The following COL4A4 variants were observed in gnomAD, a reference collection of about 807,000 sequenced individuals.
COL4A4 encodes collagen type IV alpha 4 chain, also known as collagen alpha-4(IV) chain.
Under a neutral mutation model 192.9 loss-of-function variants are expected in COL4A4, and 105 were observed. The observed-to-expected ratio is 0.54, with a 90% confidence interval of 0.46 to 0.64. The LOEUF (loss-of-function observed/expected upper bound fraction) is 0.64, where lower values mean the gene tolerates loss of function less well. Among genes scored for constraint, COL4A4 ranks in the 30% least tolerant of loss-of-function variants. The pLI is 0.00. For synonymous variants in COL4A4, 762 were observed against 769.9 expected (o/e 0.99, Z 0.17); for missense variants, 1,967 against 2,169.3 (o/e 0.91, Z 1.85).
intron 4 of COL4A4, among the ~76,000 whole-genome samples, chr2:227,136,765 C>T (rs1226518362): frequency 6.6e-6 from 1 of 152,232 alleles, no homozygotes; most frequent in African/African-American, 2.4e-5. Flanking sequence ...CTACCTACTG[C>T]TACTACGGGC....
chr2:227,162,884 G>C (rs2064962153), intron 1 of COL4A4, among the ~76,000 whole-genome samples: 1 of 152,234 alleles, frequency 6.6e-6, no homozygotes, highest in Non-Finnish European at 1.5e-5. Context: ...AAGACTGTAA[G>C]ATTCATGCTA....
chr2:227,153,760 A>G (rs2064126621), intron 1 of COL4A4, among the ~76,000 whole-genome samples: 1 of 152,214 alleles, frequency 6.6e-6, no homozygotes. Context: ...AAAACTGAAT[A>G]TAGAGAAAAT....
chr2:227,139,798 CCAAA>C (rs911954412), intron 4 of COL4A4, among the ~76,000 whole-genome samples: 1 of 152,166 alleles, frequency 6.6e-6, no homozygotes, highest in African/African-American at 2.4e-5. Context: ...TCTGGAAAGA[CCAAA>C]CAAACTTGGA....
intron 4 of COL4A4, among the ~76,000 whole-genome samples, chr2:227,137,617 G>A (rs964362729): frequency 1.8e-4 from 27 of 152,198 alleles, no homozygotes; most frequent in African/African-American, 5.8e-4. Flanking sequence ...ATTGTAAGAT[G>A]TTGAACAGCA....
chr2:227,134,100 G>C (rs11903563), intron 4 of COL4A4, among the ~76,000 whole-genome samples: 5 of 152,084 alleles, frequency 3.3e-5, no homozygotes, highest in African/African-American at 1.2e-4. Context: ...ATTTTACTGG[G>C]GAGTGTGTTT....
In COL4A4 at chr2:227,080,413, A is replaced by G. The variant is rs373467101; in HGVS notation, c.1803+30T>C. On this transcript the variant is annotated intron_variant, in intron 24 of 47. Transcript: ENST00000396625. ...TTGTATGACCATATAAGAAAGTGAA[A>G]TTCTATAGCAAGAGAAGAATTCTAC... 3.5e-5 allele frequency: 56 copies of G among 1,580,448 alleles called. No homozygotes were observed. In the African/African-American group the frequency reaches 5.5e-4, roughly 16 times the overall value.
At chr2:226,969,978 G>A in the COL4A4 span, among the ~76,000 whole-genome samples, 1 of 127,794 alleles carries the variant, frequency 7.8e-6, no homozygotes, top group Non-Finnish European at 1.7e-5. Flanking sequence ...ATTTTCAGAA[G>A]TTTACAACTG....
At chr2:227,157,430 T>G (rs2064439041) in intron 1 of COL4A4, among the ~76,000 whole-genome samples, 2 of 151,582 alleles carry the variant, frequency 1.3e-5, no homozygotes, top group African/African-American at 4.8e-5. Flanking sequence ...ATGAAGAAAA[T>G]AATAAATATT....
chr2:227,109,111 T>C (rs757217693), intron 10 of COL4A4, 113 bp downstream of exon 10: 22 of 1,041,654 alleles, frequency 2.1e-5, no homozygotes, highest in Middle Eastern at 2.0e-4. Context: ...GATTCATCGA[T>C]TATAATCTCT....
intron 4 of COL4A4, among the ~76,000 whole-genome samples, chr2:227,128,547 G>C (rs913760278): frequency 6.6e-6 from 1 of 152,040 alleles, no homozygotes; most frequent in African/African-American, 2.4e-5. Context: ...CTCCTTCCCT[G>C]TCACTGAAGA....
At chr2:227,070,432 C>A (rs377316592) in intron 25 of COL4A4, among the ~76,000 whole-genome samples, 30 of 151,870 alleles carry the variant, frequency 2.0e-4, no homozygotes, top group African/African-American at 7.0e-4. Context: ...ATGTTTATTG[C>A]GGCATTATTC....
chr2:226,977,151 C>T, the COL4A4 span, among the ~76,000 whole-genome samples: 2 of 152,180 alleles, frequency 1.3e-5, no homozygotes, highest in Non-Finnish European at 2.9e-5. Context: ...AAATGAGGAA[C>T]TTGAGGCCCA....
chr2:227,087,171 TTGCCTCAACC>T (rs1490090297), intron 22 of COL4A4, among the ~76,000 whole-genome samples: 1 of 152,140 alleles, frequency 6.6e-6, no homozygotes, highest in African/African-American at 2.4e-5. Context: ...CTGAGAGGCT[TTGCCTCAACC>T]TGCTTCATCT....
intron 22 of COL4A4, among the ~76,000 whole-genome samples, chr2:227,087,800 G>A (rs1330989437): frequency 2.0e-5 from 3 of 152,314 alleles, no homozygotes; most frequent in Admixed American, 6.5e-5. Flanking sequence ...GTAGTCTAGA[G>A]TAAAGGCTCA....
At chr2:227,048,045 C>CCA (rs1383562399) in intron 34 of COL4A4, among the ~76,000 whole-genome samples, 1 of 152,090 alleles carries the variant, frequency 6.6e-6, no homozygotes, top group Non-Finnish European at 1.5e-5. Context: ...CATTCAAAAG[C>CCA]CACTGTAGGC....
chr2:227,076,574 G>A (rs576766147), intron 25 of COL4A4, among the ~76,000 whole-genome samples: 19 of 152,222 alleles, frequency 1.2e-4, no homozygotes, highest in Admixed American at 1.2e-3. Flanking sequence ...CAGGACATAG[G>A]CATGGGCAAA....
At chr2:227,048,461 A>T (rs902497958) in intron 34 of COL4A4, among the ~76,000 whole-genome samples, 5 of 152,196 alleles carry the variant, frequency 3.3e-5, no homozygotes, top group African/African-American at 1.2e-4. Context: ...AGCTGTCCTG[A>T]TGTAGAACAT....
intron 1 of COL4A4, among the ~76,000 whole-genome samples, chr2:227,160,862 A>T (rs1343455834): frequency 6.6e-6 from 1 of 152,212 alleles, no homozygotes; most frequent in Non-Finnish European, 1.5e-5. Context: ...GCAAGAAATG[A>T]TATGAGTTGG....
rs1968590611 is a variant in COL4A4, at chr2:227,032,259, GCC to G, written c.3593_3594del (p.Gly1198AlafsTer54). The G allele has an allele frequency of 6.2e-7, 1 of 1,613,838 alleles. No homozygotes were observed. The highest frequency in any genetic ancestry group is 1.1e-5 in the South Asian group (1 of 91,068). ...CCAGGTATTCCCACTGGACCAGGTG[GCC>G]CCACATCATGCAAACCTTAATGGGG... ...TKGASGLHDV[G>X]PPGPVGIPGL... is the part of the protein sequence containing the mutation. On this transcript the variant is annotated frameshift_variant, in exon 39 of 48. Coordinates refer to ENST00000396625, the MANE Select transcript of COL4A4 (RefSeq NM_000092.5). LOFTEE classifies it high-confidence loss of function.
Sources: gnomAD v4.1 joint callset for allele counts (sites outside exome capture counted in the v4.1 genomes callset) on GRCh38, gnomAD v4.1.1 for gene constraint, MANE v1.5 for transcripts, NCBI Gene and HGNC (gene_info 2026-07-23, HGNC 2026-07-21) for gene names.